GNB1: variants seen among roughly 807,000 people sequenced by gnomAD.
GNB1 encodes guanine nucleotide-binding protein G(I)/G(S)/G(T) subunit beta-1.
GNB1 carries 2 observed loss-of-function variants against 42.9 expected under a neutral mutation model. That is an observed-to-expected ratio of 0.05 (90% CI 0.02 to 0.15). The LOEUF (loss-of-function observed/expected upper bound fraction) is 0.15. Ranked by LOEUF, GNB1 falls within the 10% of genes least tolerant of loss-of-function variation. GNB1 has a pLI of 1.00. For missense variants in GNB1, 193 were observed against 462.2 expected, an observed-to-expected ratio of 0.42 and a Z score of 5.34; for synonymous variants, 183 against 174.7, an observed-to-expected ratio of 1.05 and a Z score of -0.38.
At chr1:1,820,465 C>T (rs1350874708) in intron 3 of GNB1, among the ~76,000 whole-genome samples, 1 of 150,174 alleles carries the variant, frequency 6.7e-6, no homozygotes, top group East Asian at 1.9e-4. Flanking sequence ...GGTCATTCTG[C>T]TTATAATTAA....
intron 7 of GNB1, among the ~76,000 whole-genome samples, chr1:1,801,091 C>T (rs1646619575): frequency 6.6e-6 from 1 of 152,220 alleles, no homozygotes; most frequent in East Asian, 1.9e-4. Context: ...GGTGCAGTGG[C>T]GTGATCTCAG....
At chr1:1,809,192 T>A (rs1326048272) in intron 5 of GNB1, among the ~76,000 whole-genome samples, 2 of 143,520 alleles carry the variant, frequency 1.4e-5, no homozygotes, top group Non-Finnish European at 3.1e-5. Context: ...AGATGCAATT[T>A]TTTTTTTTTT....
In GNB1 at chr1:1,808,138, G is replaced by T. The variant is rs1208801456; in HGVS notation, c.204-1600C>A. Among the ~76,000 whole-genome samples, 4 of 152,042 alleles carry T rather than the reference G, an allele frequency of 2.6e-5. No homozygotes were observed. In the East Asian group the frequency reaches 5.8e-4, roughly 22 times the overall value. On this transcript the variant is annotated intron_variant, in intron 5 of 11. Coordinates refer to ENST00000378609, the MANE Select transcript of GNB1 (RefSeq NM_002074.5). ...TCCTGCCTCAGCCTCCAAAGTAGCT[G>T]GGATTACAGACACGCGCCACCACAG... is the stretch of plus-strand genomic sequence containing the variant.
At chr1:1,841,588 T>C (rs961928278) in intron 1 of GNB1, among the ~76,000 whole-genome samples, 2 of 152,236 alleles carry the variant, frequency 1.3e-5, no homozygotes, top group African/African-American at 4.8e-5. Context: ...ATTAATTCAG[T>C]GTCTTGTGAG....
intron 2 of GNB1, among the ~76,000 whole-genome samples, chr1:1,834,812 G>C (rs1226389390): frequency 6.6e-6 from 1 of 151,974 alleles, no homozygotes; most frequent in Non-Finnish European, 1.5e-5. Context: ...AGGACTACAG[G>C]CGCCTGCCAC....
At chr1:1,866,031 G>A (rs986925397) in intron 1 of GNB1, among the ~76,000 whole-genome samples, 1 of 151,540 alleles carries the variant, frequency 6.6e-6, no homozygotes, top group Admixed American at 6.6e-5. Context: ...TTCCGCCTCC[G>A]AGGTTCAACT....
chr1:1,834,649 G>C (rs1647120425), intron 2 of GNB1, among the ~76,000 whole-genome samples: 1 of 150,740 alleles, frequency 6.6e-6, no homozygotes, highest in African/African-American at 2.4e-5. Flanking sequence ...CACAACAGAG[G>C]AGGCTAAACT....
intron 7 of GNB1, among the ~76,000 whole-genome samples, chr1:1,795,311 G>A (rs1045739254): frequency 2.6e-5 from 4 of 152,084 alleles, no homozygotes; most frequent in Admixed American, 1.3e-4. Flanking sequence ...CCCCCACCCC[G>A]TCAGATGCCC....
intron 7 of GNB1, among the ~76,000 whole-genome samples, chr1:1,796,496 G>A (rs1646548032): frequency 6.6e-6 from 1 of 152,234 alleles, no homozygotes; most frequent in South Asian, 2.1e-4. Flanking sequence ...CTGATGGGAG[G>A]AGCAGAGCTG....
At chr1:1,800,162 A>T (rs1024497925) in intron 7 of GNB1, among the ~76,000 whole-genome samples, 1 of 152,212 alleles carries the variant, frequency 6.6e-6, no homozygotes, top group Non-Finnish European at 1.5e-5. Context: ...AAAAAATAGC[A>T]AAATGTCACT....
chr1:1,865,759 A>G (rs1187634268), intron 1 of GNB1, among the ~76,000 whole-genome samples: 1 of 152,216 alleles, frequency 6.6e-6, no homozygotes, highest in Non-Finnish European at 1.5e-5. Context: ...CAGTCATGCT[A>G]ACTTGAGAAA....
At chr1:1,877,451 A>C (rs2101846086) in intron 1 of GNB1, among the ~76,000 whole-genome samples, 1 of 151,870 alleles carries the variant, frequency 6.6e-6, no homozygotes, top group South Asian at 2.1e-4. Context: ...CCTGATTGAG[A>C]GATTATAGAT....
intron 7 of GNB1, 59 bp from the exon 8 acceptor site, chr1:1,793,370 A>C: frequency 1.5e-5 from 18 of 1,162,912 alleles, no homozygotes; most frequent in African/African-American, 3.0e-5. Context: ...ACCCAGCCTC[A>C]TACATAGAGA....
chr1:1,855,104 G>A (rs1386584235), intron 1 of GNB1, among the ~76,000 whole-genome samples: 2 of 151,474 alleles, frequency 1.3e-5, no homozygotes, highest in African/African-American at 4.9e-5. Context: ...GGTTACAGTG[G>A]GCCGAGATAG....
intron 6 of GNB1, among the ~76,000 whole-genome samples, 178 bp from the exon 7 acceptor site, chr1:1,804,759 AG>A (rs1237394827): frequency 6.6e-6 from 1 of 152,254 alleles, no homozygotes; most frequent in Non-Finnish European, 1.5e-5. Flanking sequence ...CTTAATGAGA[AG>A]TCCAGTGCTG....
In GNB1 at chr1:1,845,369, T is replaced by C. The variant is rs569182133; in HGVS notation, c.-95-6131A>G. ...CGGGCGGATCACGAGGTCAGGAGATTGAGACCATCCTAGCTAACTCAGTGA... is the reference window on the plus strand; with the variant it reads ...CGGGCGGATCACGAGGTCAGGAGATCGAGACCATCCTAGCTAACTCAGTGA... On this transcript the variant is annotated intron_variant, in intron 1 of 11. Coordinates refer to ENST00000378609, the MANE Select transcript of GNB1 (RefSeq NM_002074.5). Among the ~76,000 whole-genome samples the C allele has an allele frequency of 7.2e-5, 11 of 152,120 alleles. No homozygotes were observed. In the East Asian group the frequency reaches 9.7e-4, roughly 13 times the overall value.
intron 6 of GNB1, among the ~76,000 whole-genome samples, chr1:1,805,887 A>G (rs966417672): frequency 1.3e-5 from 2 of 152,174 alleles, no homozygotes; most frequent in African/African-American, 4.8e-5. Context: ...ACATTCCTAC[A>G]ATCTACCCTG....
intron 1 of GNB1, among the ~76,000 whole-genome samples, chr1:1,887,004 C>A (rs958117239): frequency 6.6e-5 from 10 of 152,184 alleles, no homozygotes; most frequent in African/African-American, 2.4e-4. Flanking sequence ...TGAGCCACCA[C>A]GCCCGGTCAA....
intron 1 of GNB1, among the ~76,000 whole-genome samples, chr1:1,846,341 C>T (rs1310713399): frequency 3.3e-5 from 5 of 152,054 alleles, no homozygotes; most frequent in African/African-American, 7.2e-5. Context: ...CCAAGGCAGG[C>T]GGATCACCTA....
Sources: gnomAD v4.1 joint callset for allele counts (sites outside exome capture counted in the v4.1 genomes callset) on GRCh38, gnomAD v4.1.1 for gene constraint, MANE v1.5 for transcripts, NCBI Gene and HGNC (gene_info 2026-07-23, HGNC 2026-07-21) for gene names.